Variants in LIMS1 observed in about 807,000 individuals in gnomAD.
LIMS1 encodes LIM zinc finger domain containing 1.
In LIMS1, 18 loss-of-function variants were observed where a neutral mutation model predicts 44.1. That is an observed-to-expected ratio of 0.41 (90% CI 0.28 to 0.61). The LOEUF is 0.61. Ranked by LOEUF, LIMS1 falls within the 20% of genes least tolerant of loss-of-function variation. The probability of loss-of-function intolerance (pLI) is 0.32; values close to 1 mark genes in which losing one functional copy is unlikely to be tolerated. For missense variants in LIMS1, 201 were observed against 422.0 expected (o/e 0.48, Z 4.59); for synonymous variants, 93 against 149.1 (o/e 0.62, Z 2.74).
At position 108,611,833 on chromosome 2, in the gene LIMS1, T is replaced by TA. The variant is rs1255221633; in HGVS notation, c.33-47768dup. Among the ~76,000 whole-genome samples, 234 of 66,208 alleles carry TA rather than the reference T, an allele frequency of 3.5e-3. 2 individuals carry two copies. The highest frequency in any genetic ancestry group is 0.01 in the African/African-American group (225 of 21,626). The allele number at this position is 66,208 out of a possible 152,430, so 43.4% of individuals were successfully genotyped here. A position where few individuals can be genotyped will look rare whatever the true frequency, so the allele number is the denominator to read the frequency against. On this transcript the variant is annotated intron_variant, in intron 1 of 9. Coordinates refer to ENST00000544547, the Ensembl canonical transcript of LIMS1. The stretch of plus-strand genomic sequence containing the variant: ...GCAGAAGTTGCTGTGAACCATGATC[T>TA]AAAATATATATATATATATATACAC...
rs67589132 is a variant in LIMS1, at chr2:108,551,491, G to GCACACA, written c.32+16933_32+16938dup. ...TCTATATACATATATGCGCGCGCGCGCACACACACACACACACACACACAC... is the reference window on the plus strand; with the variant it reads ...TCTATATACATATATGCGCGCGCGCGCACACACACACACACACACACACACACACAC... On this transcript the variant is annotated intron_variant, in intron 1 of 9. Transcript: ENST00000544547. Among the ~76,000 whole-genome samples the GCACACA allele has an allele frequency of 7.9e-3, 913 of 114,846 alleles. 9 individuals carry two copies. Among genetic ancestry groups the GCACACA allele is most frequent in the Non-Finnish European group, 9.2e-3 (528 of 57,514 alleles). 75.3% of individuals were successfully genotyped at this position (114,846 alleles called of 152,430 possible).
chr2:108,682,140 T>G (rs1434086006), intron 9 of LIMS1, among the ~76,000 whole-genome samples: 2 of 152,158 alleles, frequency 1.3e-5, no homozygotes, highest in Non-Finnish European at 2.9e-5. Flanking sequence ...TAGTTACCAT[T>G]GTGTTTGGAG....
At chr2:108,582,162 G>C (rs375176560) in intron 1 of LIMS1, among the ~76,000 whole-genome samples, 1 of 152,216 alleles carries the variant, frequency 6.6e-6, no homozygotes, top group Non-Finnish European at 1.5e-5. Flanking sequence ...ACTTCAGTGA[G>C]TACTTCTAGC....
At chr2:108,574,797 C>T (rs1304862560) in intron 1 of LIMS1, among the ~76,000 whole-genome samples, 1 of 152,196 alleles carries the variant, frequency 6.6e-6, no homozygotes, top group Non-Finnish European at 1.5e-5. Context: ...ATTGCTGCTA[C>T]CCCATCTCCT....
intron 8 of LIMS1, chr2:108,678,304 TTG>T: frequency 1.8e-6 from 1 of 554,236 alleles, no homozygotes; most frequent in Non-Finnish European, 3.1e-6. Context: ...TAAGACCTGT[TTG>T]TGTCCAGTTT....
chr2:108,659,610 T>G, exon 2 of LIMS1: 1 of 1,611,824 alleles, frequency 6.2e-7, no homozygotes, highest in Non-Finnish European at 8.5e-7. Context: ...TACAGCAACA[T>G]GGCCAACGCC....
At chr2:108,598,230 A>G (rs866721078) in intron 1 of LIMS1, among the ~76,000 whole-genome samples, 2 of 151,956 alleles carry the variant, frequency 1.3e-5, no homozygotes, top group Admixed American at 6.6e-5. Context: ...CCCTCCATCT[A>G]GTAAGTTTGC....
intron 1 of LIMS1, among the ~76,000 whole-genome samples, chr2:108,604,290 C>A (rs1687158681): frequency 6.6e-6 from 1 of 152,086 alleles, no homozygotes; most frequent in Non-Finnish European, 1.5e-5. Flanking sequence ...TTTCAGTGTT[C>A]ATAACTAAAG....
At chr2:108,683,357 C>A (rs1038314741) in intron 9 of LIMS1, among the ~76,000 whole-genome samples, 9 of 151,862 alleles carry the variant, frequency 5.9e-5, no homozygotes, top group Non-Finnish European at 1.2e-4. Flanking sequence ...CTAGGCAATA[C>A]GACAGGACCC....
At chr2:108,558,605 T>C (rs1415842824) in intron 1 of LIMS1, among the ~76,000 whole-genome samples, 2 of 152,050 alleles carry the variant, frequency 1.3e-5, no homozygotes, top group Non-Finnish European at 2.9e-5. Context: ...ATAGAGTGCA[T>C]TGGAGACAAA....
intron 1 of LIMS1, among the ~76,000 whole-genome samples, chr2:108,594,462 A>C (rs946002379): frequency 1.3e-5 from 2 of 152,176 alleles, no homozygotes; most frequent in African/African-American, 4.8e-5. Flanking sequence ...TATTTTGTCT[A>C]CATTACAGAT....
chr2:108,606,481 G>T (rs1423045686), intron 1 of LIMS1, among the ~76,000 whole-genome samples: 1 of 152,198 alleles, frequency 6.6e-6, no homozygotes, highest in Non-Finnish European at 1.5e-5. Flanking sequence ...GTATACGTTA[G>T]TAAGAAAAAA....
intron 1 of LIMS1, among the ~76,000 whole-genome samples, chr2:108,622,576 G>A (rs1415482410): frequency 6.6e-6 from 1 of 152,096 alleles, no homozygotes; most frequent in Non-Finnish European, 1.5e-5. Context: ...GTGTCTCTTA[G>A]CTACATTTAA....
chr2:108,632,030 G>A (rs958801741), intron 1 of LIMS1, among the ~76,000 whole-genome samples: 2 of 152,156 alleles, frequency 1.3e-5, no homozygotes, highest in African/African-American at 4.8e-5. Flanking sequence ...GGAGTGCAGT[G>A]GTGCAATCTT....
chr2:108,665,475 A>T (rs1691685645), intron 2 of LIMS1, among the ~76,000 whole-genome samples: 1 of 152,174 alleles, frequency 6.6e-6, no homozygotes, highest in Non-Finnish European at 1.5e-5. Context: ...CTGAATTTAG[A>T]GACGTAGGCA....
chr2:108,533,677 C>T (rs139214757), upstream of LIMS1, among the ~76,000 whole-genome samples: 1,349 of 152,292 alleles, frequency 8.9e-3, 11 homozygotes, highest in Non-Finnish European at 0.014. Context: ...TCCCAAAGTG[C>T]TGGGATTACA....
intron 1 of LIMS1, among the ~76,000 whole-genome samples, chr2:108,590,943 A>G (rs1686352370): frequency 6.6e-6 from 1 of 152,212 alleles, no homozygotes; most frequent in African/African-American, 2.4e-5. Flanking sequence ...CTCAGTAAAT[A>G]AATGTTGAAT....
chr2:108,652,275 A>G lies in LIMS1; in HGVS notation c.33-7330A>G, dbSNP rs1690549069. Among the ~76,000 whole-genome samples the G allele has an allele frequency of 3.3e-5, 5 of 152,416 alleles. No individual in the cohort carries two copies. In the South Asian group the frequency reaches 1.0e-3, roughly 32 times the overall value. On this transcript the variant is annotated intron_variant, in intron 1 of 9. Coordinates refer to ENST00000544547, the Ensembl canonical transcript of LIMS1. The stretch of plus-strand genomic sequence containing the variant: ...CTATAGTTTCATTCACAGTGCCACA[A>G]ATTGGAAGGAAAGTACTTAAATGCC...
chr2:108,653,771 A>G (rs1433662872), intron 1 of LIMS1, among the ~76,000 whole-genome samples: 2 of 142,164 alleles, frequency 1.4e-5, no homozygotes, highest in Non-Finnish European at 3.1e-5. Flanking sequence ...TATACATTTC[A>G]GGGAGACATG....
Sources: gnomAD v4.1 joint callset for allele counts (sites outside exome capture counted in the v4.1 genomes callset) on GRCh38, gnomAD v4.1.1 for gene constraint, MANE v1.5 for transcripts, NCBI Gene and HGNC (gene_info 2026-07-23, HGNC 2026-07-21) for gene names.